Variants in PAPSS2 observed in about 807,000 individuals in gnomAD.
PAPSS2 encodes the protein 3'-phosphoadenosine 5'-phosphosulfate synthase 2, also known as bifunctional 3'-phosphoadenosine 5'-phosphosulfate synthase 2.
In PAPSS2, 61 loss-of-function variants were observed where a neutral mutation model predicts 66.5. The ratio of observed to expected loss-of-function variants is 0.92; its 90% CI spans 0.75 to 1.14. PAPSS2 has a LOEUF of 1.14. Among genes scored for constraint, PAPSS2 ranks in the 50% most tolerant of loss-of-function variants. PAPSS2 has a pLI of 0.00. For missense variants in PAPSS2, 708 were observed against 789.6 expected (o/e 0.90, Z 1.24); for synonymous variants, 289 against 287.5 (o/e 1.01, Z -0.05).
intron 2 of PAPSS2, among the ~76,000 whole-genome samples, chr10:87,711,035 A>C (rs1272040712): frequency 6.6e-6 from 1 of 152,190 alleles, no homozygotes; most frequent in Non-Finnish European, 1.5e-5. Flanking sequence ...ATTAAATTAA[A>C]AAGTCATCTT....
At chr10:87,674,288 C>G (rs1852917358) in intron 1 of PAPSS2, among the ~76,000 whole-genome samples, 1 of 152,218 alleles carries the variant, frequency 6.6e-6, no homozygotes, top group South Asian at 2.1e-4. Flanking sequence ...CCTCAGCTCT[C>G]TGAGTAGCTG....
intron 1 of PAPSS2, among the ~76,000 whole-genome samples, chr10:87,673,730 T>C (rs1852910241): frequency 6.8e-6 from 1 of 147,150 alleles, no homozygotes; most frequent in Non-Finnish European, 1.5e-5. Context: ...AGCTTTATGC[T>C]TGGTACCACT....
intron 8 of PAPSS2, among the ~76,000 whole-genome samples, chr10:87,724,664 A>T (rs1564724561): frequency 1.0e-5 from 1 of 98,694 alleles, no homozygotes; most frequent in Non-Finnish European, 1.9e-5. Flanking sequence ...TTATTTTAAT[A>T]AATTATTTAT....
Position 87,741,352 on chromosome 10 carries a change from T to A in PAPSS2, c.1204T>A (p.Cys402Ser). 2 of 1,613,148 alleles carry A rather than the reference T, an allele frequency of 1.2e-6. No individual in the cohort carries two copies. Among genetic ancestry groups the A allele is most frequent in the Non-Finnish European group, 1.7e-6 (2 of 1,179,106 alleles). Residue 402 changes from cysteine (C) to serine (S), a missense_variant, in exon 10 of 13, where the codon TGT becomes AGT. By Grantham distance (112) the Cys-to-Ser change is moderately radical. Coordinates refer to ENST00000456849, the MANE Select transcript of PAPSS2 (RefSeq NM_001015880.2). Reference protein sequence around the residue: ...RLTPLELKQKCKEMNADAVFA... With the variant: ...RLTPLELKQKSKEMNADAVFA... ...GACACCTCTGGAGCTCAAACAGAAATGTAAAGAAATGAATGCTGGTATGTA... is the reference window on the plus strand; with the variant it reads ...GACACCTCTGGAGCTCAAACAGAAAAGTAAAGAAATGAATGCTGGTATGTA...
chr10:87,719,128 A>T (rs1448195259), intron 7 of PAPSS2, among the ~76,000 whole-genome samples: 1 of 152,176 alleles, frequency 6.6e-6, no homozygotes, highest in Non-Finnish European at 1.5e-5. Context: ...GTGTAAATTG[A>T]TAATAAAAAT....
At chr10:87,704,021 C>T (rs759778533) in intron 1 of PAPSS2, 3 of 503,206 alleles carry the variant, frequency 6.0e-6, no homozygotes, top group South Asian at 2.9e-5. Context: ...GCAGAGAGTA[C>T]AGCTTTCAAC....
intron 1 of PAPSS2, chr10:87,703,897 A>AC: frequency 2.0e-6 from 1 of 508,068 alleles, no homozygotes; most frequent in Non-Finnish European, 3.9e-6. Flanking sequence ...TTCTCTATGT[A>AC]CACACAGCAA....
intron 1 of PAPSS2, among the ~76,000 whole-genome samples, chr10:87,688,055 A>G (rs944661115): frequency 2.0e-5 from 3 of 152,190 alleles, no homozygotes; most frequent in African/African-American, 7.2e-5. Flanking sequence ...AATTTGATCC[A>G]GGAGAAATGG....
chr10:87,663,719 G>T (rs1011803456), intron 1 of PAPSS2, among the ~76,000 whole-genome samples: 1 of 152,140 alleles, frequency 6.6e-6, no homozygotes, highest in African/African-American at 2.4e-5. Flanking sequence ...TAAAATGTGG[G>T]TAATAATAAC....
chr10:87,680,815 C>T (rs188655592), intron 1 of PAPSS2, among the ~76,000 whole-genome samples: 30 of 152,174 alleles, frequency 2.0e-4, no homozygotes, highest in African/African-American at 7.0e-4. Context: ...CCTGACTAAT[C>T]TTGCCGGTTT....
rs12255099 is a variant in PAPSS2, at chr10:87,693,777, T to C, written c.28-15419T>C. On this transcript the variant is annotated intron_variant, in intron 1 of 12. Coordinates refer to ENST00000456849, the MANE Select transcript of PAPSS2 (RefSeq NM_001015880.2). ...ACAGCACATAATTATTTGATGCTGA[T>C]TTCAAAGGATATTTTACAAATGCAT... 1.8e-3 allele frequency among the ~76,000 whole-genome samples: 279 copies of C among 152,364 alleles called. 1 individual carries two copies. Among genetic ancestry groups the C allele is most frequent in the African/African-American group, 5.9e-3 (247 of 41,592 alleles).
chr10:87,675,979 T>C (rs533657111), intron 1 of PAPSS2, among the ~76,000 whole-genome samples: 46 of 150,752 alleles, frequency 3.1e-4, no homozygotes, highest in African/African-American at 9.7e-4. Flanking sequence ...TTCTTTTTTT[T>C]TTTTTTTTTT....
At chr10:87,683,087 CTTTTTTCT>C (rs1306192413) in intron 1 of PAPSS2, among the ~76,000 whole-genome samples, 2 of 127,124 alleles carry the variant, frequency 1.6e-5, no homozygotes, top group African/African-American at 6.1e-5. Flanking sequence ...TTTCCTTTTT[CTTTTTTCT>C]TTTTTTTTTT....
At chr10:87,689,065 T>C (rs1179254812) in intron 1 of PAPSS2, among the ~76,000 whole-genome samples, 1 of 151,948 alleles carries the variant, frequency 6.6e-6, no homozygotes, top group African/African-American at 2.4e-5. Context: ...CCGGGGCCAG[T>C]TGCGGTGGCT....
chr10:87,702,166 T>G (rs918877369), intron 1 of PAPSS2, among the ~76,000 whole-genome samples: 4 of 152,242 alleles, frequency 2.6e-5, no homozygotes, highest in Non-Finnish European at 5.9e-5. Flanking sequence ...TAGTGTAGTA[T>G]GAAAAGCCTT....
chr10:87,676,867 T>C (rs1367782671), intron 1 of PAPSS2, among the ~76,000 whole-genome samples: 11 of 75,638 alleles, frequency 1.5e-4, no homozygotes, highest in Admixed American at 4.5e-4. Context: ...AATGAGACCC[T>C]GTCTCAAAAA....
At chr10:87,709,053 A>C in intron 1 of PAPSS2, 143 bp from the exon 2 acceptor site, 1 of 572,198 alleles carries the variant, frequency 1.7e-6, no homozygotes. Context: ...GACAAAGGTG[A>C]GTCTCTTTCA....
rs529183340 is a variant in PAPSS2, at chr10:87,709,322, T to C, written c.145+9T>C. On this transcript the variant is annotated intron_variant, in intron 2 of 12. Coordinates refer to ENST00000456849, the MANE Select transcript of PAPSS2 (RefSeq NM_001015880.2). ...TACCGTGTGGCTAACAGGTATGTCA[T>C]GTTCATATATATATATATATATACA... is the stretch of plus-strand genomic sequence containing the variant. 5.6e-6 allele frequency: 8 copies of C among 1,417,912 alleles called. No individual in the cohort carries two copies. Among genetic ancestry groups the C allele is most frequent in the South Asian group, 4.6e-5 (4 of 86,098 alleles). 87.8% of individuals were successfully genotyped at this position (1,417,912 alleles called of 1,614,324 possible).
intron 9 of PAPSS2, among the ~76,000 whole-genome samples, chr10:87,735,496 C>T (rs560728715): frequency 6.6e-6 from 1 of 152,296 alleles, no homozygotes; most frequent in South Asian, 2.1e-4. Context: ...CTGTGTCCAA[C>T]TCTAAGCAAT....
Sources: gnomAD v4.1 joint callset for allele counts (sites outside exome capture counted in the v4.1 genomes callset) on GRCh38, gnomAD v4.1.1 for gene constraint, MANE v1.5 for transcripts, NCBI Gene and HGNC (gene_info 2026-07-23, HGNC 2026-07-21) for gene names.